The following SLC24A2 variants were observed in gnomAD, a reference collection of about 807,000 sequenced individuals.
The protein encoded by SLC24A2 is sodium/potassium/calcium exchanger 2.
In SLC24A2, 36 loss-of-function variants were observed where a neutral mutation model predicts 62.0. That is an observed-to-expected ratio of 0.58 (90% CI 0.44 to 0.77). The LOEUF (loss-of-function observed/expected upper bound fraction) is 0.77, where lower values mean the gene tolerates loss of function less well. Ranked by LOEUF, SLC24A2 falls within the 30% of genes least tolerant of loss-of-function variation. SLC24A2 has a pLI of 0.00. For missense variants in SLC24A2, 846 were observed against 817.9 expected, an observed-to-expected ratio of 1.03 and a Z score of -0.42; for synonymous variants, 358 against 294.0, an observed-to-expected ratio of 1.22 and a Z score of -2.23.
At chr9:19,803,477 T>C in the SLC24A2 span, among the ~76,000 whole-genome samples, 1 of 152,206 alleles carries the variant, frequency 6.6e-6, no homozygotes, top group Non-Finnish European at 1.5e-5. Flanking sequence ...GGACTTTACA[T>C]AGTTGTACCA....
chr9:20,028,098 T>A, the SLC24A2 span, among the ~76,000 whole-genome samples: 1 of 152,180 alleles, frequency 6.6e-6, no homozygotes, highest in African/African-American at 2.4e-5. Flanking sequence ...ACCATTGTAA[T>A]GATGAGTAGC....
chr9:20,239,350 G>A, the SLC24A2 span, among the ~76,000 whole-genome samples: 2 of 152,182 alleles, frequency 1.3e-5, no homozygotes, highest in Non-Finnish European at 2.9e-5. Flanking sequence ...ATTTAACTAT[G>A]CACCTTCTAT....
chr9:19,954,654 T>C, the SLC24A2 span, among the ~76,000 whole-genome samples: 1 of 152,036 alleles, frequency 6.6e-6, no homozygotes, highest in East Asian at 1.9e-4. Context: ...ACTGAAACAT[T>C]TCCCTCAAGA....
At chr9:20,006,911 G>A in the SLC24A2 span, among the ~76,000 whole-genome samples, 1 of 152,148 alleles carries the variant, frequency 6.6e-6, no homozygotes, top group Non-Finnish European at 1.5e-5. Context: ...CTTCCTAAAA[G>A]CATTACTGTG....
intron 7 of SLC24A2, among the ~76,000 whole-genome samples, chr9:19,567,624 C>T (rs1835710343): frequency 6.9e-6 from 1 of 145,040 alleles, no homozygotes; most frequent in Non-Finnish European, 1.5e-5. Context: ...CTACAAACGT[C>T]ATAATGTGAT....
At position 19,552,219 on chromosome 9, in the gene SLC24A2, A is replaced by G. The variant is rs369528693; in HGVS notation, c.1348-1951T>C. On this transcript the variant is annotated intron_variant, in intron 7 of 10. Coordinates refer to ENST00000341998, the MANE Select transcript of SLC24A2 (RefSeq NM_020344.4). ...GTGTGCTGGCTCTGGTCCCTCTTCT[A>G]TGCCACCTCTGTCTCTTCCTTGTGG... Among the ~76,000 whole-genome samples the G allele has an allele frequency of 1.4e-4, 21 of 152,146 alleles. No individual in the cohort carries two copies. In the South Asian group the frequency reaches 2.3e-3, roughly 17 times the overall value.
the SLC24A2 span, among the ~76,000 whole-genome samples, chr9:20,019,323 C>T: frequency 4.5e-5 from 6 of 132,958 alleles, no homozygotes; most frequent in South Asian, 1.5e-3. Flanking sequence ...AAGTGAGTGA[C>T]TTGTTCAAGT....
chr9:20,040,799 G>T, the SLC24A2 span, among the ~76,000 whole-genome samples: 12 of 151,820 alleles, frequency 7.9e-5, no homozygotes, highest in African/African-American at 2.4e-4. Flanking sequence ...CAGCCCCAGA[G>T]CCTACACAAG....
chr9:19,583,493 TTTCACTGGTTTTG>T, intron 5 of SLC24A2, among the ~76,000 whole-genome samples: 1 of 152,256 alleles, frequency 6.6e-6, no homozygotes, highest in East Asian at 1.9e-4. Flanking sequence ...GGGCAAGGTT[TTTCACTGGTTTTG>T]TTCACTGGTA....
chr9:20,185,533 T>C, the SLC24A2 span, among the ~76,000 whole-genome samples: 193 of 151,450 alleles, frequency 1.3e-3, 1 homozygote, highest in Non-Finnish European at 1.2e-3. Context: ...GGCGTGGTTG[T>C]GGGCGCCTGT....
the SLC24A2 span, among the ~76,000 whole-genome samples, chr9:20,295,012 G>A: frequency 2.0e-5 from 3 of 150,114 alleles, no homozygotes; most frequent in Admixed American, 6.7e-5. Context: ...AAACATATCT[G>A]TATCTGTGCA....
the SLC24A2 span, among the ~76,000 whole-genome samples, chr9:20,286,079 G>A: frequency 6.6e-6 from 1 of 152,174 alleles, no homozygotes; most frequent in African/African-American, 2.4e-5. Context: ...CTTTCCTGTT[G>A]CAAATCATCA....
chr9:20,168,767 T>C, the SLC24A2 span, among the ~76,000 whole-genome samples: 2 of 152,004 alleles, frequency 1.3e-5, no homozygotes, highest in Non-Finnish European at 2.9e-5. Context: ...GAATGTAAAA[T>C]GATGCAGCCA....
chr9:19,973,630 C>G, the SLC24A2 span, among the ~76,000 whole-genome samples: 2 of 152,160 alleles, frequency 1.3e-5, no homozygotes, highest in Non-Finnish European at 2.9e-5. Context: ...TAATCCATAA[C>G]TCACAGGATT....
At chr9:19,673,676 C>A (rs946348598) in intron 2 of SLC24A2, among the ~76,000 whole-genome samples, 8 of 152,196 alleles carry the variant, frequency 5.3e-5, no homozygotes, top group Non-Finnish European at 7.3e-5. Flanking sequence ...TCTCGAACTT[C>A]TGACCTCAAG....
chr9:19,624,680 A>G (rs1468724410), intron 2 of SLC24A2, among the ~76,000 whole-genome samples: 1 of 152,250 alleles, frequency 6.6e-6, no homozygotes, highest in Non-Finnish European at 1.5e-5. Context: ...ATCTGCAGAC[A>G]TGAATATACA....
In SLC24A2 at chr9:19,511,265, C is replaced by G. The variant is rs755514388; in HGVS notation, c.*4888G>C. ...CTATATATTTAAAAAATATGAAGCT[C>G]TGAGATTAAAAATGAAACGCAAAGA... On this transcript the variant is annotated 3_prime_UTR_variant, in exon 11 of 11. Transcript: ENST00000341998. The G allele has an allele frequency of 2.0e-5, 3 of 152,018 alleles. No individual in the cohort carries two copies. Among genetic ancestry groups the G allele is most frequent in the Non-Finnish European group, 4.4e-5 (3 of 68,036 alleles). The allele number at this position is 152,018 out of a possible 1,614,324, so 9.4% of individuals were successfully genotyped here. A position where few individuals can be genotyped will look rare whatever the true frequency, so the allele number is the denominator to read the frequency against.
chr9:19,900,841 T>C, the SLC24A2 span, among the ~76,000 whole-genome samples: 1 of 152,164 alleles, frequency 6.6e-6, no homozygotes, highest in African/African-American at 2.4e-5. Context: ...AAATATGCTC[T>C]TCATCAATGG....
At chr9:20,210,505 G>A in the SLC24A2 span, among the ~76,000 whole-genome samples, 1 of 151,922 alleles carries the variant, frequency 6.6e-6, no homozygotes, top group Non-Finnish European at 1.5e-5. Flanking sequence ...GACAGATCTC[G>A]CTCTGTCGCC....
Sources: gnomAD v4.1 joint callset for allele counts (sites outside exome capture counted in the v4.1 genomes callset) on GRCh38, gnomAD v4.1.1 for gene constraint, MANE v1.5 for transcripts, NCBI Gene and HGNC (gene_info 2026-07-23, HGNC 2026-07-21) for gene names.